RNF212B: variants seen among roughly 807,000 people sequenced by gnomAD.
RNF212B encodes the protein E3 ubiquitin-protein ligase RNF212B.
In RNF212B, 52 loss-of-function variants were observed where a neutral mutation model predicts 55.5. That is an observed-to-expected ratio of 0.94 (90% CI 0.75 to 1.18). The LOEUF (loss-of-function observed/expected upper bound fraction) is 1.18, where lower values mean the gene tolerates loss of function less well. Among genes scored for constraint, RNF212B ranks in the 50% most tolerant of loss-of-function variants. RNF212B has a pLI of 0.00. For synonymous variants in RNF212B, 99 were observed against 121.4 expected, an observed-to-expected ratio of 0.82 and a Z score of 1.21; for missense variants, 289 against 350.4, an observed-to-expected ratio of 0.82 and a Z score of 1.40.
chr14:23,217,934 T>C (rs976145933), intron 2 of RNF212B, among the ~76,000 whole-genome samples: 2 of 152,038 alleles, frequency 1.3e-5, no homozygotes, highest in Admixed American at 1.3e-4. Context: ...TATATGACTT[T>C]TGAGGCAGAG....
At chr14:23,185,618 A>G (rs1877514352) in intron 1 of RNF212B, 1 of 18,846 alleles carries the variant, frequency 5.3e-5, no homozygotes, top group Admixed American at 1.2e-3. Context: ...CGATATGGTA[A>G]GCTTTAGCCC....
chr14:23,261,643 C>A (rs1885300274), intron 7 of RNF212B, among the ~76,000 whole-genome samples: 1 of 152,144 alleles, frequency 6.6e-6, no homozygotes, highest in Non-Finnish European at 1.5e-5. Context: ...TTAGTGATAT[C>A]TATGCTCTAC....
In RNF212B at chr14:23,260,963, G is replaced by T. The variant is rs117899116; in HGVS notation, c.434+276G>T. On this transcript the variant is annotated intron_variant, in intron 7 of 14. Transcript: ENST00000430154. ...ACATAAATTTAATTTACTCAGCAAG[G>T]TCATTTTTACTTCCTGCAGAAAGGG... is the stretch of plus-strand genomic sequence containing the variant. Among the ~76,000 whole-genome samples, 545 of 152,262 alleles carry T rather than the reference G, an allele frequency of 3.6e-3. 4 individuals are homozygous for T. The highest frequency in any genetic ancestry group is 0.017 in the Middle Eastern group (5 of 294).
chr14:23,218,185 G>A (rs1566404777), intron 2 of RNF212B, among the ~76,000 whole-genome samples: 1 of 147,918 alleles, frequency 6.8e-6, no homozygotes, highest in Non-Finnish European at 1.5e-5. Flanking sequence ...TGGCTAACAC[G>A]GTGAAACCCC....
chr14:23,272,530 A>C (rs1049419812), intron 14 of RNF212B: 5 of 387,786 alleles, frequency 1.3e-5, no homozygotes, highest in Non-Finnish European at 2.4e-5. Flanking sequence ...CCTCCCTGGT[A>C]GTCATCTCTG....
chr14:23,232,634 G>C (rs548023682), intron 2 of RNF212B, among the ~76,000 whole-genome samples: 334 of 151,632 alleles, frequency 2.2e-3, no homozygotes, highest in Middle Eastern at 3.4e-3. Flanking sequence ...CCCCGTCCGG[G>C]AGGGAGTTGG....
At chr14:23,266,930 G>A (rs1885748574) in intron 11 of RNF212B, among the ~76,000 whole-genome samples, 2 of 152,096 alleles carry the variant, frequency 1.3e-5, no homozygotes, top group South Asian at 4.1e-4. Flanking sequence ...TGAAAGTGGG[G>A]TATTAAAGTC....
chr14:23,210,557 C>T (rs1341965681), intron 2 of RNF212B, among the ~76,000 whole-genome samples: 2 of 151,978 alleles, frequency 1.3e-5, no homozygotes, highest in Non-Finnish European at 2.9e-5. Flanking sequence ...GCGGGTGGAT[C>T]ACGAGGTCAG....
At position 23,250,037 on chromosome 14, in the gene RNF212B, T is replaced by C. The variant is rs80034041; in HGVS notation, c.228+5641T>C. On this transcript the variant is annotated intron_variant, in intron 4 of 14. Transcript: ENST00000430154. ...TAACCTCTCCAATTTCAATCACAAC[T>C]ACCATCTCACCTCTCATGTACAAAC... is the stretch of plus-strand genomic sequence containing the variant. Among the ~76,000 whole-genome samples the C allele has an allele frequency of 7.0e-3, 1,060 of 152,284 alleles. 16 individuals carry two copies. Among genetic ancestry groups the C allele is most frequent in the African/African-American group, 0.024 (999 of 41,542 alleles).
chr14:23,189,214 G>C (rs1436179339), intron 1 of RNF212B, among the ~76,000 whole-genome samples: 2 of 152,218 alleles, frequency 1.3e-5, no homozygotes, highest in Non-Finnish European at 1.5e-5. Flanking sequence ...TTTGACTATT[G>C]TTTCATGGAG....
intron 2 of RNF212B, among the ~76,000 whole-genome samples, chr14:23,215,376 C>A (rs753775213): frequency 7.9e-5 from 12 of 152,068 alleles, no homozygotes; most frequent in Non-Finnish European, 1.5e-4. Flanking sequence ...TATGGAGAAA[C>A]AAAGATTCAA....
At chr14:23,245,882 A>G (rs892989078) in intron 4 of RNF212B, among the ~76,000 whole-genome samples, 1 of 152,228 alleles carries the variant, frequency 6.6e-6, no homozygotes, top group African/African-American at 2.4e-5. Context: ...TTCTCTTTTA[A>G]TAGTCCTTAA....
chr14:23,196,350 C>G (rs1472336336), intron 2 of RNF212B, among the ~76,000 whole-genome samples: 1 of 152,198 alleles, frequency 6.6e-6, no homozygotes, highest in Non-Finnish European at 1.5e-5. Flanking sequence ...AGCTGGCTTC[C>G]AAGCCCACTC....
At chr14:23,191,482 G>A (rs1203656873) in intron 1 of RNF212B, among the ~76,000 whole-genome samples, 1 of 151,264 alleles carries the variant, frequency 6.6e-6, no homozygotes, top group Admixed American at 6.6e-5. Context: ...CTATTAAAAT[G>A]TAAGCTCTGA....
intron 2 of RNF212B, among the ~76,000 whole-genome samples, chr14:23,202,411 A>G (rs1435470516): frequency 6.6e-6 from 1 of 152,120 alleles, no homozygotes. Context: ...GGCCCTTACA[A>G]TCTTTGATCT....
rs184388022 is a variant in RNF212B at position 23,269,297 on chromosome 14, C to T, written c.674+334C>T. Among the ~76,000 whole-genome samples, 36 of 151,910 alleles carry T rather than the reference C, an allele frequency of 2.4e-4. No homozygotes were observed. The South Asian group carries it at 5.0e-3, about 21-fold the overall frequency. ...CAGCCTGGGTGACAGAGTGAGACTC[C>T]GTCTCAAAAAACAAACAAAAAAACA... is the stretch of plus-strand genomic sequence containing the variant. On this transcript the variant is annotated intron_variant, in intron 12 of 14. Transcript: ENST00000430154.
At chr14:23,239,181 C>T (rs1883371904) in intron 1 of RNF212B, among the ~76,000 whole-genome samples, 1 of 152,116 alleles carries the variant, frequency 6.6e-6, no homozygotes, top group Non-Finnish European at 1.5e-5. Flanking sequence ...CCTCAGCTTC[C>T]CAAGTAGCTG....
At chr14:23,224,235 C>CA (rs201138786) in intron 2 of RNF212B, among the ~76,000 whole-genome samples, 23,064 of 139,910 alleles carry the variant, frequency 0.16, 2,079 homozygotes, top group Middle Eastern at 0.26. Context: ...TATAGAATGT[C>CA]AAAAAAAAAA....
rs538138063 is a variant in RNF212B at position 23,232,270 on chromosome 14, T to C, written c.-1-8075T>C. On this transcript the variant is annotated intron_variant, in intron 2 of 15. Coordinates refer to the RNF212B transcript ENST00000399910. ...CTGCCCCGCCGCCCCATCTGGGATG[T>C]GAGGAGCGCCTCTGCCCGGCCGCAA... Among the ~76,000 whole-genome samples, 4 of 144,250 alleles carry C rather than the reference T, an allele frequency of 2.8e-5. 1 individual carries two copies. The South Asian group carries it at 8.9e-4, about 32-fold the overall frequency. The allele number at this position is 144,250 out of a possible 152,430, so 94.6% of individuals were successfully genotyped here. A position where few individuals can be genotyped will look rare whatever the true frequency, so the allele number is the denominator to read the frequency against.
Sources: gnomAD v4.1 joint callset for allele counts (sites outside exome capture counted in the v4.1 genomes callset) on GRCh38, gnomAD v4.1.1 for gene constraint, MANE v1.5 for transcripts, NCBI Gene and HGNC (gene_info 2026-07-23, HGNC 2026-07-21) for gene names.